Variants in PLD5 observed in about 807,000 individuals in gnomAD.
PLD5 encodes inactive phospholipase D5.
PLD5 carries 36 observed loss-of-function variants against 61.1 expected under a neutral mutation model. The ratio of observed to expected loss-of-function variants is 0.59; its 90% confidence interval spans 0.45 to 0.78. The LOEUF (loss-of-function observed/expected upper bound fraction) is 0.78. PLD5 is among the 30% of genes least tolerant of loss of function. The probability of loss-of-function intolerance (pLI) is 0.00; values close to 1 mark genes in which losing one functional copy is unlikely to be tolerated. For missense variants in PLD5, 515 were observed against 644.4 expected (o/e 0.80, Z 2.17); for synonymous variants, 243 against 242.8 (o/e 1.00, Z -0.01).
At chr1:242,444,356 C>G (rs943886454) in intron 1 of PLD5, among the ~76,000 whole-genome samples, 1 of 151,876 alleles carries the variant, frequency 6.6e-6, no homozygotes, top group Non-Finnish European at 1.5e-5. Context: ...TTTCAAGTAC[C>G]GGAGAAGAGG....
At chr1:242,426,711 A>G (rs1180545254) in intron 1 of PLD5, among the ~76,000 whole-genome samples, 1 of 152,226 alleles carries the variant, frequency 6.6e-6, no homozygotes, top group Non-Finnish European at 1.5e-5. Flanking sequence ...TATAAGCAAT[A>G]ATTAAGAAGT....
chr1:242,310,761 G>C (rs1574710207), intron 2 of PLD5, among the ~76,000 whole-genome samples: 1 of 152,184 alleles, frequency 6.6e-6, no homozygotes, highest in South Asian at 2.1e-4. Context: ...ATCTCTAGTG[G>C]ATGGGGCTGG....
At chr1:242,121,792 G>A (rs887121934) in intron 6 of PLD5, among the ~76,000 whole-genome samples, 4 of 152,048 alleles carry the variant, frequency 2.6e-5, no homozygotes, top group Non-Finnish European at 5.9e-5. Context: ...TCCTTTGTAG[G>A]GACATGGATG....
At chr1:242,160,355 A>G (rs887766210) in intron 5 of PLD5, among the ~76,000 whole-genome samples, 8 of 152,140 alleles carry the variant, frequency 5.3e-5, no homozygotes, top group African/African-American at 1.9e-4. Flanking sequence ...TAACTATTTG[A>G]AATCTCTCAT....
intron 1 of PLD5, among the ~76,000 whole-genome samples, chr1:242,396,759 A>T (rs1335272929): frequency 3.6e-5 from 5 of 137,908 alleles, no homozygotes; most frequent in African/African-American, 1.4e-4. Context: ...TGCAACCTCC[A>T]CCTCCACCAC....
At chr1:242,495,230 C>T (rs1668331919) in intron 1 of PLD5, among the ~76,000 whole-genome samples, 1 of 152,066 alleles carries the variant, frequency 6.6e-6, no homozygotes, top group South Asian at 2.1e-4. Flanking sequence ...CAACCAGTGC[C>T]CAGCTGGGAA....
chr1:242,458,836 C>T (rs111442625), intron 1 of PLD5, among the ~76,000 whole-genome samples: 8,801 of 152,284 alleles, frequency 0.058, 530 homozygotes, highest in African/African-American at 0.15. Flanking sequence ...TAGCCTTACA[C>T]AGGCCTTGGG....
intron 1 of PLD5, among the ~76,000 whole-genome samples, chr1:242,460,306 G>A (rs1001038677): frequency 4.1e-4 from 63 of 151,956 alleles, no homozygotes; most frequent in African/African-American, 1.5e-3. Context: ...TTGGCACCAC[G>A]GGACCAGAGG....
chr1:242,121,309 G>T (rs975202472), intron 6 of PLD5, among the ~76,000 whole-genome samples: 1 of 152,136 alleles, frequency 6.6e-6, no homozygotes, highest in African/African-American at 2.4e-5. Flanking sequence ...TGGTGGGAAA[G>T]ATGATTATAA....
chr1:242,161,557 A>C (rs1236791181), intron 5 of PLD5, among the ~76,000 whole-genome samples: 1 of 152,160 alleles, frequency 6.6e-6, no homozygotes, highest in Non-Finnish European at 1.5e-5. Context: ...TAATGTTTTG[A>C]GGAAAATATT....
At chr1:242,292,140 C>A (rs2149143440) in intron 2 of PLD5, among the ~76,000 whole-genome samples, 1 of 152,220 alleles carries the variant, frequency 6.6e-6, no homozygotes, top group South Asian at 2.1e-4. Context: ...TTAATTCTAT[C>A]CACATTTAAA....
chr1:242,435,402 G>A (rs1665944340), intron 1 of PLD5, among the ~76,000 whole-genome samples: 1 of 151,168 alleles, frequency 6.6e-6, no homozygotes, highest in African/African-American at 2.5e-5. Flanking sequence ...CTTAGCATCT[G>A]TGTGTTTTTT....
Position 242,085,478 on chromosome 1 carries a change from A to G in PLD5, c.*4376T>C, listed in dbSNP as rs1254693896. On this transcript the variant is annotated 3_prime_UTR_variant, in exon 10 of 10. Coordinates refer to ENST00000536534, the MANE Select transcript of PLD5 (RefSeq NM_001372062.1). The stretch of plus-strand genomic sequence containing the variant: ...CTGGGGTTGATGTCAGGGCTATTCA[A>G]AAGCCTCCGTCCATTTAAGTCAATA... 1 of 152,368 alleles carries G rather than the reference A, an allele frequency of 6.6e-6. No individual in the cohort carries two copies. The highest frequency in any genetic ancestry group is 1.9e-4 in the East Asian group (1 of 5,196). The allele number at this position is 152,368 out of a possible 1,614,324, so 9.4% of individuals were successfully genotyped here.
chr1:242,223,359 A>G (rs1258432578), intron 4 of PLD5, among the ~76,000 whole-genome samples: 1 of 152,210 alleles, frequency 6.6e-6, no homozygotes, highest in Non-Finnish European at 1.5e-5. Flanking sequence ...TAAAATGATC[A>G]GGATCTGCTC....
intron 5 of PLD5, among the ~76,000 whole-genome samples, chr1:242,172,668 T>C (rs1213342919): frequency 1.3e-5 from 2 of 151,758 alleles, no homozygotes; most frequent in Non-Finnish European, 2.9e-5. Context: ...AAGAATCAAA[T>C]AGACACAAGA....
chr1:242,515,389 A>G (rs1669072939), intron 1 of PLD5, among the ~76,000 whole-genome samples: 1 of 151,982 alleles, frequency 6.6e-6, no homozygotes, highest in South Asian at 2.1e-4. Flanking sequence ...ATTTTTTTGT[A>G]TTTAGTAGAG....
At chr1:242,125,163 C>G (rs531964464) in intron 5 of PLD5, among the ~76,000 whole-genome samples, 1 of 152,236 alleles carries the variant, frequency 6.6e-6, no homozygotes, top group East Asian at 1.9e-4. Context: ...GCCTCAGCTT[C>G]TTCTTCCGTA....
At chr1:242,399,145 A>C (rs2149276359) in intron 1 of PLD5, among the ~76,000 whole-genome samples, 1 of 152,310 alleles carries the variant, frequency 6.6e-6, no homozygotes, top group Non-Finnish European at 1.5e-5. Flanking sequence ...AAGATGAAAA[A>C]ACAAGACTGT....
intron 5 of PLD5, chr1:242,188,732 C>G (rs1668060631): frequency 6.6e-6 from 1 of 152,174 alleles, no homozygotes; most frequent in South Asian, 2.1e-4. Context: ...ACTCATACAC[C>G]CTTGAATGAA....
Sources: allele counts gnomAD v4.1 joint callset (sites outside exome capture counted in the v4.1 genomes callset), GRCh38; gene constraint gnomAD v4.1.1; transcripts MANE v1.5; gene names NCBI Gene and HGNC (gene_info 2026-07-23, HGNC 2026-07-21).